Variants in STOML1 observed in about 807,000 individuals in gnomAD.
The protein encoded by STOML1 is stomatin-like protein 1.
Under a neutral mutation model 35.7 loss-of-function variants are expected in STOML1, and 27 were observed. That is an observed-to-expected ratio of 0.76 (90% CI 0.56 to 1.04). The LOEUF (loss-of-function observed/expected upper bound fraction) is 1.04. STOML1 is among the 50% of genes least tolerant of loss of function. The probability of loss-of-function intolerance (pLI) is 0.00; values close to 1 mark genes in which losing one functional copy is unlikely to be tolerated. For missense variants in STOML1, 451 were observed against 527.1 expected (o/e 0.86, Z 1.41); for synonymous variants, 219 against 227.9 (o/e 0.96, Z 0.35).
Position 73,983,232 on chromosome 15 carries a change from C to A in STOML1, c.*705G>T, listed in dbSNP as rs909694101. 6.6e-6 allele frequency: 1 copy of A among 152,252 alleles called. No homozygotes were observed. The highest frequency in any genetic ancestry group is 1.5e-5 in the Non-Finnish European group (1 of 68,078). 9.4% of individuals were successfully genotyped at this position (152,252 alleles called of 1,614,324 possible). The stretch of plus-strand genomic sequence containing the variant: ...TCTTCTCTTTTATACATTGTAAACA[C>A]CACATTTATTTGTCTGAGGCTTGCA... On this transcript the variant is annotated 3_prime_UTR_variant, in exon 7 of 7. Coordinates refer to ENST00000541638, the MANE Select transcript of STOML1 (RefSeq NM_004809.5).
intron 2 of STOML1, chr15:73,989,979 G>C: frequency 4.9e-6 from 1 of 203,562 alleles, no homozygotes; most frequent in Non-Finnish European, 1.0e-5. Flanking sequence ...TATGGAAAAT[G>C]AGGCCTGAAT....
rs1595857033 is a variant in STOML1, at chr15:73,982,571, G to A, written c.*1366C>T. ...AAAGGCAGGGACAGACAGCAAACAA[G>A]ACAGAGCCAGGCACCCAGGAAGGGC... On this transcript the variant is annotated 3_prime_UTR_variant, in exon 7 of 7. Coordinates refer to ENST00000541638, the MANE Select transcript of STOML1 (RefSeq NM_004809.5). The A allele has an allele frequency of 6.5e-6, 1 of 152,858 alleles. No individual in the cohort carries two copies. Among genetic ancestry groups the A allele is most frequent in the Non-Finnish European group, 1.5e-5 (1 of 68,558 alleles). 9.5% of individuals were successfully genotyped at this position (152,858 alleles called of 1,614,324 possible). A position where few individuals can be genotyped will look rare whatever the true frequency, so the allele number is the denominator to read the frequency against.
chr15:73,979,756 T>C lies in STOML1; in HGVS notation c.*4181A>G, dbSNP rs2068940944. ...ACCAAACCCTGTTCTTTGCTGGAGCTAGAAATCCAAGACTTACAAAGCAAT... is the reference window on the plus strand; with the variant it reads ...ACCAAACCCTGTTCTTTGCTGGAGCCAGAAATCCAAGACTTACAAAGCAAT... On this transcript the variant is annotated 3_prime_UTR_variant, in exon 7 of 7. Coordinates refer to ENST00000541638, the MANE Select transcript of STOML1 (RefSeq NM_004809.5). 6.6e-6 allele frequency: 1 copy of C among 152,058 alleles called. No homozygotes were observed. The highest frequency in any genetic ancestry group is 1.5e-5 in the Non-Finnish European group (1 of 68,002). The allele number at this position is 152,058 out of a possible 1,614,324, so 9.4% of individuals were successfully genotyped here.
In STOML1 at chr15:73,983,476, G is replaced by A. The variant is rs565486132; in HGVS notation, c.*461C>T. ...CCAGCCAGGATCCCCAGGTAACTTC[G>A]CCACAGGGACCTCTTCTTGGAGCTG... is the stretch of plus-strand genomic sequence containing the variant. On this transcript the variant is annotated 3_prime_UTR_variant, in exon 7 of 7. Coordinates refer to ENST00000541638, the MANE Select transcript of STOML1 (RefSeq NM_004809.5). The A allele has an allele frequency of 1.7e-4, 26 of 154,796 alleles. No individual in the cohort carries two copies. The highest frequency in any genetic ancestry group is 6.1e-4 in the South Asian group (3 of 4,922). The allele number at this position is 154,796 out of a possible 1,614,324, so 9.6% of individuals were successfully genotyped here. A position where few individuals can be genotyped will look rare whatever the true frequency, so the allele number is the denominator to read the frequency against.
intron 4 of STOML1, chr15:73,986,635 TG>T: frequency 1.3e-5 from 2 of 148,204 alleles, no homozygotes; most frequent in South Asian, 4.4e-4. Context: ...TTCTGGGGGC[TG>T]GGGGCTGGGT....
In STOML1 at chr15:73,980,921, C is replaced by A. The variant is rs755004043; in HGVS notation, c.*3016G>T. ...AAATTAGCCGGTTGTGGTGGCACAA[C>A]CTGTGGTCCCAGCTACTCAGGAAGC... On this transcript the variant is annotated 3_prime_UTR_variant, in exon 7 of 7. Transcript: ENST00000541638. 1 of 152,026 alleles carries A rather than the reference C, an allele frequency of 6.6e-6. No homozygotes were observed. The highest frequency in any genetic ancestry group is 1.5e-5 in the Non-Finnish European group (1 of 68,040). 9.4% of individuals were successfully genotyped at this position (152,026 alleles called of 1,614,324 possible). A position where few individuals can be genotyped will look rare whatever the true frequency, so the allele number is the denominator to read the frequency against.
chr15:73,993,714 G>A (rs2069353806), upstream of STOML1, among the ~76,000 whole-genome samples: 1 of 152,236 alleles, frequency 6.6e-6, no homozygotes, highest in Non-Finnish European at 1.5e-5. Flanking sequence ...CACAGTGGTT[G>A]CGATGGTTTA....
At position 73,982,370 on chromosome 15, in the gene STOML1, C is replaced by A. The variant is rs1198255860; in HGVS notation, c.*1567G>T. ...AGCCCTGGGAGGGCCCATGAGAGGC[C>A]TCCAAGTAGGCAAAGGGGCAACAGC... is the stretch of plus-strand genomic sequence containing the variant. On this transcript the variant is annotated 3_prime_UTR_variant, in exon 7 of 7. Transcript: ENST00000541638. 6.6e-6 allele frequency: 1 copy of A among 152,504 alleles called. No individual in the cohort carries two copies. The highest frequency in any genetic ancestry group is 1.9e-4 in the East Asian group (1 of 5,204). 9.4% of individuals were successfully genotyped at this position (152,504 alleles called of 1,614,324 possible).
At chr15:73,989,413 A>G (rs1179123658) in intron 2 of STOML1, among the ~76,000 whole-genome samples, 156 bp from the exon 3 acceptor site, 1 of 152,236 alleles carries the variant, frequency 6.6e-6, no homozygotes, top group Non-Finnish European at 1.5e-5. Context: ...GGCTCAGGGA[A>G]GCTAAGTGAC....
Position 73,988,567 on chromosome 15 carries a change from C to G in STOML1, c.594+32G>C, listed in dbSNP as rs1223703880. On this transcript the variant is annotated intron_variant, in intron 4 of 6. Transcript: ENST00000541638. The surrounding 1 kb of genome is among the most constrained non-coding windows in gnomAD (Gnocchi z 4.8). ...CAGGTGGAGCCAGGCCGGTGCCACC[C>G]CTCAAGCTCCGTCTTGTGAGGGGCT... 7 of 1,612,960 alleles carry G rather than the reference C, an allele frequency of 4.3e-6. No homozygotes were observed. The highest frequency in any genetic ancestry group is 5.9e-6 in the Non-Finnish European group (7 of 1,179,456).
At chr15:73,994,469 G>A, upstream of STOML1, 1 of 375,166 alleles carries the variant, frequency 2.7e-6, no homozygotes, top group Non-Finnish European at 5.0e-6. Flanking sequence ...GCACGAAGCA[G>A]TGCCAGTGTG....
upstream of STOML1, among the ~76,000 whole-genome samples, chr15:73,992,511 GA>G (rs1268650467): frequency 1.3e-5 from 2 of 152,154 alleles, no homozygotes; most frequent in Non-Finnish European, 2.9e-5. Flanking sequence ...CTCAGCCCTA[GA>G]AAAGCTGGAG....
Position 73,979,005 on chromosome 15 carries a change from T to C in STOML1, c.*4932A>G, listed in dbSNP as rs2068930851. On this transcript the variant is annotated 3_prime_UTR_variant, in exon 7 of 7. Transcript: ENST00000541638. Reference sequence around the variant, plus strand: ...GTTCATCAATGGATGAATGAATACATTGTGCCTCTATCTAGACAATGGAAT... The same window carrying C: ...GTTCATCAATGGATGAATGAATACACTGTGCCTCTATCTAGACAATGGAAT... The C allele has an allele frequency of 6.6e-6, 1 of 152,210 alleles. No individual in the cohort carries two copies. The highest frequency in any genetic ancestry group is 2.4e-5 in the African/African-American group (1 of 41,434). 9.4% of individuals were successfully genotyped at this position (152,210 alleles called of 1,614,324 possible). A position where few individuals can be genotyped will look rare whatever the true frequency, so the allele number is the denominator to read the frequency against.
Position 73,988,362 on chromosome 15 carries a change from C to T in STOML1, c.594+237G>A, listed in dbSNP as rs190221599. 7.4e-6 allele frequency: 4 copies of T among 543,508 alleles called. No individual in the cohort carries two copies. Among genetic ancestry groups the T allele is most frequent in the East Asian group, 3.2e-5 (1 of 31,514 alleles). The allele number at this position is 543,508 out of a possible 1,614,324, so 33.7% of individuals were successfully genotyped here. On this transcript the variant is annotated intron_variant, in intron 4 of 6. Coordinates refer to ENST00000541638, the MANE Select transcript of STOML1 (RefSeq NM_004809.5). The surrounding 1 kb of genome is among the most constrained non-coding windows in gnomAD (Gnocchi z 4.8). The stretch of plus-strand genomic sequence containing the variant: ...AGGGGCAGACCCCAAGAATGTCTGC[C>T]GGGGCCACTTCCTCTTCTCAGGGAC...
intron 1 of STOML1, chr15:73,991,080 T>C: frequency 8.2e-7 from 1 of 1,218,312 alleles, no homozygotes; most frequent in African/African-American, 1.5e-5. Flanking sequence ...ATGGCGCCAC[T>C]GCACTCCAGC....
Position 73,988,914 on chromosome 15 carries a change from G to C in STOML1, c.391-112C>G. 6.8e-7 allele frequency: 1 copy of C among 1,477,868 alleles called. No homozygotes were observed. The highest frequency in any genetic ancestry group is 1.4e-5 in the African/African-American group (1 of 71,610). The allele number at this position is 1,477,868 out of a possible 1,614,324, so 91.5% of individuals were successfully genotyped here. ...ACCTGCTTGGCAGCTAGCTCCTCAA[G>C]GGCAAATGGTGTCACCAAGTATGTA... On this transcript the variant is annotated intron_variant, in intron 3 of 6. Transcript: ENST00000541638. This position sits in a 1 kb window ranked among gnomAD's most constrained non-coding sequence, Gnocchi z 4.8.
intron 4 of STOML1, 137 bp from the exon 5 acceptor site, chr15:73,985,650 G>A (rs2069073997): frequency 1.9e-6 from 2 of 1,043,224 alleles, no homozygotes; most frequent in Non-Finnish European, 1.4e-6. Context: ...TGGGAACACA[G>A]GCAGAGGGCA....
At position 73,984,757 on chromosome 15, in the gene STOML1, A is replaced by G. The variant is rs1268567146; in HGVS notation, c.905T>C (p.Leu302Pro). 5 of 1,613,992 alleles carry G rather than the reference A, an allele frequency of 3.1e-6. No homozygotes were observed. The highest frequency in any genetic ancestry group is 1.1e-5 in the South Asian group (1 of 91,090). ...GACTTGGCTGACCAGGGCCTCAGAC[A>G]GGAAGGGCTGTAGAGCAGTCAGTAG... ...EGLLTALQPF[L>P]SEALVSQVGA... The change falls in exon 6 of 7, where the codon CTG becomes CCG. Residue 302 changes from leucine (L) to proline (P), a missense_variant. Leu to Pro is a moderately conservative substitution (Grantham distance 98). Coordinates refer to ENST00000541638, the MANE Select transcript of STOML1 (RefSeq NM_004809.5).
In STOML1 at chr15:73,981,504, T is replaced by A. The variant is rs1243932343; in HGVS notation, c.*2433A>T. ...GTCTAGTCCGGTATAAGGACATATTTGGCACACAGTAATGGTTACTATTTC... is the reference window on the plus strand; with the variant it reads ...GTCTAGTCCGGTATAAGGACATATTAGGCACACAGTAATGGTTACTATTTC... On this transcript the variant is annotated 3_prime_UTR_variant, in exon 7 of 7. Transcript: ENST00000541638. The A allele has an allele frequency of 6.6e-6, 1 of 152,228 alleles. No homozygotes were observed. The highest frequency in any genetic ancestry group is 2.4e-5 in the African/African-American group (1 of 41,466). 9.4% of individuals were successfully genotyped at this position (152,228 alleles called of 1,614,324 possible).
Sources: gnomAD v4.1 joint callset for allele counts (sites outside exome capture counted in the v4.1 genomes callset) on GRCh38, gnomAD v4.1.1 for gene constraint, Gnocchi (gnomAD v3.1) non-coding constraint, MANE v1.5 for transcripts, NCBI Gene and HGNC (gene_info 2026-07-23, HGNC 2026-07-21) for gene names.